Variants in HNRNPLL observed in about 807,000 individuals in gnomAD.
The protein encoded by HNRNPLL is heterogeneous nuclear ribonucleoprotein L-like.
Under a neutral mutation model 67.1 loss-of-function variants are expected in HNRNPLL, and 25 were observed. The observed-to-expected ratio is 0.37, with a 90% CI of 0.27 to 0.52. The LOEUF is 0.52. Among genes scored for constraint, HNRNPLL ranks in the 20% least tolerant of loss-of-function variants. The pLI, the probability that HNRNPLL is intolerant of heterozygous loss-of-function variation, is 0.90. For missense variants in HNRNPLL, 542 were observed against 673.9 expected, an observed-to-expected ratio of 0.80 and a Z score of 2.17; for synonymous variants, 267 against 241.7, an observed-to-expected ratio of 1.10 and a Z score of -0.97.
Position 38,585,766 on chromosome 2 carries a change from G to C in HNRNPLL, c.424C>G (p.Gln142Glu), listed in dbSNP as rs1404296319. Residue 142 changes from glutamine (Q) to glutamate (E), a missense_variant, in exon 3 of 13, where the codon CAG (glutamine) becomes GAG (glutamate). Gln to Glu is a conservative substitution (Grantham distance 29). Around this residue, in one of 2 missense-constraint regions of HNRNPLL, gnomAD observed 415 missense variants for 575.2 expected, o/e 0.72. Transcript: ENST00000449105. ...CTTGTAGAATAGTTGAAAAAAGCCTGTTGACCAGCAATGTACACGGGTTCA... is the reference window on the plus strand; with the variant it reads ...CTTGTAGAATAGTTGAAAAAAGCCTCTTGACCAGCAATGTACACGGGTTCA... ...ADEPVYIAGQ[Q>E]AFFNYSTSKR... is the part of the protein sequence containing the mutation. 1.2e-6 allele frequency: 2 copies of C among 1,613,496 alleles called. No individual in the cohort carries two copies. The highest frequency in any genetic ancestry group is 1.3e-5 in the African/African-American group (1 of 75,020).
At chr2:38,587,677 G>C (rs984349752) in intron 2 of HNRNPLL, among the ~76,000 whole-genome samples, 1 of 152,126 alleles carries the variant, frequency 6.6e-6, no homozygotes, top group East Asian at 1.9e-4. Flanking sequence ...AAAAAAGTTG[G>C]TTTAATATCT....
intron 7 of HNRNPLL, among the ~76,000 whole-genome samples, chr2:38,576,700 C>T (rs769386553): frequency 4.6e-5 from 7 of 151,788 alleles, no homozygotes; most frequent in Non-Finnish European, 1.0e-4. Context: ...TTTTCGGTGA[C>T]CAATCCCAAG....
At chr2:38,565,167 T>C (rs1395074114) in intron 12 of HNRNPLL, among the ~76,000 whole-genome samples, 1 of 152,130 alleles carries the variant, frequency 6.6e-6, no homozygotes, top group African/African-American at 2.4e-5. Flanking sequence ...ACAATTTTAG[T>C]ATTAAAAGCT....
chr2:38,568,084 A>G, intron 12 of HNRNPLL, 115 bp downstream of exon 12: 1 of 642,700 alleles, frequency 1.6e-6, no homozygotes, highest in Non-Finnish European at 2.7e-6. Context: ...TCTTTTTTGT[A>G]TTTATCTGTA....
rs745941491 is a variant in HNRNPLL at position 38,602,913 on chromosome 2, G to A, written c.-287C>T. On this transcript the variant is annotated 5_prime_UTR_variant, in exon 1 of 13. Transcript: ENST00000449105. The stretch of plus-strand genomic sequence containing the variant: ...CTCCGTCTCCGCTCCCTGCCCGGAG[G>A]AGCGAATCTAAGGATGGGGACGCAA... 2.0e-6 allele frequency: 3 copies of A among 1,531,804 alleles called. No homozygotes were observed. The highest frequency in any genetic ancestry group is 1.2e-5 in the South Asian group (1 of 83,452). The allele number at this position is 1,531,804 out of a possible 1,614,324, so 94.9% of individuals were successfully genotyped here.
In HNRNPLL at chr2:38,602,380, G is replaced by T; in HGVS notation, c.189+58C>A. On this transcript the variant is annotated intron_variant, in intron 1 of 12. Coordinates refer to ENST00000449105, the MANE Select transcript of HNRNPLL (RefSeq NM_138394.4). ...AAGCAAGCGGGAGGCCCCGCACCGA[G>T]GCCCTGCTTCCCGGGGAGCAGCCAG... 23 of 1,498,978 alleles carry T rather than the reference G, an allele frequency of 1.5e-5. 1 individual carries two copies. In the South Asian group the frequency reaches 2.7e-4, roughly 18 times the overall value. The allele number at this position is 1,498,978 out of a possible 1,614,324, so 92.9% of individuals were successfully genotyped here. A position where few individuals can be genotyped will look rare whatever the true frequency, so the allele number is the denominator to read the frequency against.
intron 1 of HNRNPLL, 26 bp downstream of exon 1, chr2:38,602,412 C>T (rs561450989): frequency 1.9e-6 from 3 of 1,545,052 alleles, no homozygotes; most frequent in East Asian, 2.4e-5. Flanking sequence ...CCAGGCACAG[C>T]GGACAGGGGG....
Position 38,563,809 on chromosome 2 carries a change from T to C in HNRNPLL, c.*373A>G, listed in dbSNP as rs183557557. ...TAAACATATAATAGGAATTCTATAT[T>C]AAAATGCAATACTTTCACCTGCATT... is the stretch of plus-strand genomic sequence containing the variant. On this transcript the variant is annotated 3_prime_UTR_variant, in exon 13 of 13. Coordinates refer to ENST00000449105, the MANE Select transcript of HNRNPLL (RefSeq NM_138394.4). The C allele has an allele frequency of 1.2e-5, 2 of 161,436 alleles. No individual in the cohort carries two copies. Among genetic ancestry groups the C allele is most frequent in the Admixed American group, 1.3e-4 (2 of 15,594 alleles). 10.0% of individuals were successfully genotyped at this position (161,436 alleles called of 1,614,324 possible).
Position 38,581,899 on chromosome 2 carries a change from T to C in HNRNPLL, c.802+14A>G, listed in dbSNP as rs763231073. ...AGCAGATCAAGTACATTCTAAAATG[T>C]ATAAAATACCTACCTCGTCTTCCCA... On this transcript the variant is annotated intron_variant, in intron 6 of 12. Coordinates refer to ENST00000449105, the MANE Select transcript of HNRNPLL (RefSeq NM_138394.4). 1 of 1,569,110 alleles carries C rather than the reference T, an allele frequency of 6.4e-7. No homozygotes were observed. Among genetic ancestry groups the C allele is most frequent in the Non-Finnish European group, 8.8e-7 (1 of 1,139,550 alleles).
chr2:38,569,637 A>G (rs1019050109), intron 9 of HNRNPLL, among the ~76,000 whole-genome samples, 167 bp downstream of exon 9: 9 of 152,172 alleles, frequency 5.9e-5, no homozygotes, highest in Non-Finnish European at 2.9e-5. Flanking sequence ...GCAAAATCTG[A>G]GTGATACGAC....
chr2:38,582,097 C>T lies in HNRNPLL; in HGVS notation c.704G>A (p.Cys235Tyr). Reference sequence around the variant, plus strand: ...CCGTGCATATTCAATTTTTAGTGTGCAACATCCAGCATATATATCAGCTCC... The same window carrying T: ...CCGTGCATATTCAATTTTTAGTGTGTAACATCCAGCATATATATCAGCTCC... ...LNGADIYAGC[C>Y]TLKIEYARPT... Residue 235 changes from cysteine (C) to tyrosine (Y), a missense_variant, in exon 5 of 13, where the codon TGC becomes TAC. Physicochemically the swap from Cys to Tyr is radical, Grantham distance 194 (BLOSUM62 -2). Coordinates refer to ENST00000449105, the MANE Select transcript of HNRNPLL (RefSeq NM_138394.4). 2 of 1,613,648 alleles carry T rather than the reference C, an allele frequency of 1.2e-6. No homozygotes were observed. The highest frequency in any genetic ancestry group is 1.7e-6 in the Non-Finnish European group (2 of 1,179,622).
intron 8 of HNRNPLL, 55 bp downstream of exon 8, chr2:38,573,155 T>C: frequency 8.3e-7 from 1 of 1,206,616 alleles, no homozygotes. Flanking sequence ...TGCAGCCTTT[T>C]CAGAGTTACC....
chr2:38,590,959 T>C (rs1254066114), intron 2 of HNRNPLL, among the ~76,000 whole-genome samples: 1 of 152,162 alleles, frequency 6.6e-6, no homozygotes, highest in Non-Finnish European at 1.5e-5. Context: ...GAGCCATCAA[T>C]GTGCCACTAC....
rs1007248895 is a variant in HNRNPLL, at chr2:38,585,625, G to T, written c.546+19C>A. 17 of 1,453,002 alleles carry T rather than the reference G, an allele frequency of 1.2e-5. No homozygotes were observed. The Admixed American group carries it at 1.7e-4, about 14-fold the overall frequency. The allele number at this position is 1,453,002 out of a possible 1,614,324, so 90.0% of individuals were successfully genotyped here. A position where few individuals can be genotyped will look rare whatever the true frequency, so the allele number is the denominator to read the frequency against. ...TGCAAAATCACTTTTAATTTCATTT[G>T]TCATATTAAAACACATACCACTGTA... On this transcript the variant is annotated intron_variant, in intron 3 of 12. Transcript: ENST00000449105.
chr2:38,578,574 G>A lies in HNRNPLL; in HGVS notation c.803-1042C>T, dbSNP rs62142626. On this transcript the variant is annotated intron_variant, in intron 6 of 12. Transcript: ENST00000449105. ...ACTTTAATTTTCACTTCAGTCTAGA[G>A]AAGTAGAGTTTTAATCACCTATTCC... Among the ~76,000 whole-genome samples the A allele has an allele frequency of 5.4e-3, 820 of 152,126 alleles. 2 individuals carry two copies. The highest frequency in any genetic ancestry group is 8.8e-3 in the Non-Finnish European group (596 of 67,920).
intron 1 of HNRNPLL, chr2:38,599,919 G>A (rs535829446): frequency 3.4e-5 from 16 of 471,082 alleles, no homozygotes; most frequent in Non-Finnish European, 7.0e-5. Flanking sequence ...TTAACAGTCT[G>A]ACCACAAAGG....
At chr2:38,572,855 C>T (rs1192476622) in intron 8 of HNRNPLL, among the ~76,000 whole-genome samples, 1 of 151,896 alleles carries the variant, frequency 6.6e-6, no homozygotes, top group Non-Finnish European at 1.5e-5. Flanking sequence ...TTTATATATA[C>T]CCTCCATGAA....
chr2:38,594,895 G>A (rs976662212), intron 1 of HNRNPLL, among the ~76,000 whole-genome samples: 1 of 152,058 alleles, frequency 6.6e-6, no homozygotes, highest in Non-Finnish European at 1.5e-5. Context: ...AGTGAACTGA[G>A]ATCACATCAT....
intron 7 of HNRNPLL, among the ~76,000 whole-genome samples, chr2:38,573,843 T>A (rs924331711): frequency 6.6e-6 from 1 of 151,850 alleles, no homozygotes; most frequent in Non-Finnish European, 1.5e-5. Context: ...TGGGAAGCTA[T>A]CTCTACACAG....
Sources: allele counts gnomAD v4.1 joint callset (sites outside exome capture counted in the v4.1 genomes callset), GRCh38; gene constraint gnomAD v4.1.1; regional missense constraint gnomAD v4.1.1; transcripts MANE v1.5; gene names NCBI Gene and HGNC (gene_info 2026-07-23, HGNC 2026-07-21).